The following ARHGEF11 variants were observed in gnomAD, a reference collection of about 807,000 sequenced individuals.
The protein encoded by ARHGEF11 is Rho guanine exchange factor (GEF) 11.
Under a neutral mutation model 193.7 loss-of-function variants are expected in ARHGEF11, and 55 were observed. The ratio of observed to expected loss-of-function variants is 0.28; its 90% CI spans 0.23 to 0.36. The LOEUF is 0.36. Ranked by LOEUF, ARHGEF11 falls within the 10% of genes least tolerant of loss-of-function variation. The pLI is 1.00. For missense variants in ARHGEF11, 1,723 were observed against 2,005.6 expected (o/e 0.86, Z 2.69); for synonymous variants, 693 against 768.0 (o/e 0.90, Z 1.62).
chr1:156,935,939 C>G lies in ARHGEF11; in HGVS notation c.*61G>C. 6.4e-7 allele frequency: 1 copy of G among 1,550,662 alleles called. No homozygotes were observed. Among genetic ancestry groups the G allele is most frequent in the Non-Finnish European group, 8.8e-7 (1 of 1,137,654 alleles). On this transcript the variant is annotated 3_prime_UTR_variant, in exon 41 of 41. Transcript: ENST00000368194. ...TTGGGATCCCCCCTACCCTGTGCCC[C>G]GGTCTCAGGCCAGTCCCTGAAGGAG... is the stretch of plus-strand genomic sequence containing the variant.
intron 1 of ARHGEF11, among the ~76,000 whole-genome samples, chr1:157,017,909 C>T (rs986961512): frequency 1.3e-5 from 2 of 151,836 alleles, no homozygotes; most frequent in Non-Finnish European, 2.9e-5. Context: ...TATTTCCAGA[C>T]AACATGACTT....
chr1:157,039,909 A>C (rs1361256303), intron 1 of ARHGEF11, among the ~76,000 whole-genome samples: 1 of 152,178 alleles, frequency 6.6e-6, no homozygotes, highest in African/African-American at 2.4e-5. Flanking sequence ...ACTCCATTCC[A>C]CAGAGGCTGT....
chr1:156,991,779 G>C (rs1251477650), intron 1 of ARHGEF11, among the ~76,000 whole-genome samples: 1 of 137,382 alleles, frequency 7.3e-6, no homozygotes, highest in African/African-American at 2.8e-5. Context: ...TGCAGTGGCG[G>C]GATCTCGGCT....
chr1:157,043,808 T>A (rs1673042759), intron 1 of ARHGEF11, among the ~76,000 whole-genome samples: 1 of 152,140 alleles, frequency 6.6e-6, no homozygotes, highest in Non-Finnish European at 1.5e-5. Flanking sequence ...GCCAAGAACA[T>A]CCTCTTCATT....
chr1:157,038,029 CAAAAAAAAAA>C (rs145416871), intron 1 of ARHGEF11, among the ~76,000 whole-genome samples: 17 of 45,516 alleles, frequency 3.7e-4, no homozygotes, highest in African/African-American at 1.5e-3. Flanking sequence ...AAGACTGTCT[CAAAAAAAAAA>C]AAAAAAAAAA....
chr1:156,991,710 A>ATTTTTTTT lies in ARHGEF11; in HGVS notation c.33-5545_33-5538dup, dbSNP rs57140356. ...TTAGGGTTTTCTTTTTTTCAAGCTT[A>ATTTTTTTT]TTTTTTTTTTTTTTTTTTTTTTTTG... On this transcript the variant is annotated intron_variant, in intron 1 of 40. Transcript: ENST00000368194. Among the ~76,000 whole-genome samples, 57 of 83,956 alleles carry ATTTTTTTT rather than the reference A, an allele frequency of 6.8e-4. 1 individual carries two copies. Among genetic ancestry groups the ATTTTTTTT allele is most frequent in the Non-Finnish European group, 8.6e-4 (37 of 42,868 alleles). The allele number at this position is 83,956 out of a possible 152,430, so 55.1% of individuals were successfully genotyped here.
intron 1 of ARHGEF11, among the ~76,000 whole-genome samples, chr1:157,010,892 T>C (rs969222302): frequency 6.6e-6 from 1 of 152,164 alleles, no homozygotes; most frequent in African/African-American, 2.4e-5. Flanking sequence ...AAGACATCCA[T>C]GTTTACAGAG....
In ARHGEF11 at chr1:156,940,185, G is replaced by A. The variant is rs745601196; in HGVS notation, c.3733+22C>T. On this transcript the variant is annotated intron_variant, in intron 36 of 40. Coordinates refer to ENST00000368194, the MANE Select transcript of ARHGEF11 (RefSeq NM_198236.3). ...GTGCGACTGGGGACCAGGGGCTGACGGCAGGGCCTTGAAGCACTCACCATC... is the reference window on the plus strand; with the variant it reads ...GTGCGACTGGGGACCAGGGGCTGACAGCAGGGCCTTGAAGCACTCACCATC... The A allele has an allele frequency of 3.0e-5, 46 of 1,548,676 alleles. No individual in the cohort carries two copies. The South Asian group carries it at 4.0e-4, about 14-fold the overall frequency.
intron 21 of ARHGEF11, among the ~76,000 whole-genome samples, chr1:156,953,105 A>G (rs915552406): frequency 1.3e-5 from 2 of 152,082 alleles, no homozygotes; most frequent in African/African-American, 4.8e-5. Flanking sequence ...TGAATGACCC[A>G]GAGTAACAGG....
At chr1:156,941,464 C>T in intron 34 of ARHGEF11, 31 bp from the exon 35 acceptor site, 1 of 1,608,920 alleles carries the variant, frequency 6.2e-7, no homozygotes, top group Non-Finnish European at 8.5e-7. Context: ...AGGATGAGAT[C>T]CCATGAGATT....
chr1:157,007,915 T>TG lies in ARHGEF11; in HGVS notation c.33-21743_33-21742insC, dbSNP rs1668033500. ...AAGGCAAAGGTTTTTTTTTTTTTGT[T>TG]TTTTTTTTTTTTGTCTCTTTTGTTC... On this transcript the variant is annotated intron_variant, in intron 1 of 40. Coordinates refer to ENST00000368194, the MANE Select transcript of ARHGEF11 (RefSeq NM_198236.3). Among the ~76,000 whole-genome samples the TG allele has an allele frequency of 3.0e-4, 10 of 33,846 alleles. 1 individual carries two copies. Among genetic ancestry groups the TG allele is most frequent in the African/African-American group, 5.8e-4 (9 of 15,422 alleles). 22.2% of individuals were successfully genotyped at this position (33,846 alleles called of 152,430 possible).
rs139907420 is a variant in ARHGEF11, at chr1:157,036,835, T to C, written c.32+7464A>G. 4.8e-3 allele frequency among the ~76,000 whole-genome samples: 723 copies of C among 152,098 alleles called. 4 individuals carry two copies. Among genetic ancestry groups the C allele is most frequent in the South Asian group, 0.017 (84 of 4,808 alleles). On this transcript the variant is annotated intron_variant, in intron 1 of 40. Coordinates refer to ENST00000368194, the MANE Select transcript of ARHGEF11 (RefSeq NM_198236.3). Reference sequence around the variant, plus strand: ...AGTCTCATAAATTTGGGAATAAAATTTGATTCAGGGCAGTGCACGGTGGCT... The same window carrying C: ...AGTCTCATAAATTTGGGAATAAAATCTGATTCAGGGCAGTGCACGGTGGCT...
At position 156,939,888 on chromosome 1, in the gene ARHGEF11, G is replaced by T. The variant is rs780675400; in HGVS notation, c.3756C>A (p.Ile1252=). 1.2e-6 allele frequency: 2 copies of T among 1,607,222 alleles called. No homozygotes were observed. The highest frequency in any genetic ancestry group is 1.1e-5 in the South Asian group (1 of 91,050). ...TGTGACCTGGCAGCAGGCTCCACAG[G>T]ATCAGATGTCGCAGGTTCTCCACTG... ...LEDVENLRHL[I]LWSLLPGHTM... Residue 1252 remains isoleucine (I), a synonymous_variant, in exon 37 of 41, where the codon ATC becomes ATA. Coordinates refer to ENST00000368194, the MANE Select transcript of ARHGEF11 (RefSeq NM_198236.3).
chr1:156,942,118 C>T, intron 33 of ARHGEF11, 129 bp from the exon 34 acceptor site: 1 of 1,298,872 alleles, frequency 7.7e-7, no homozygotes, highest in South Asian at 1.3e-5. Flanking sequence ...TGCCCACCTC[C>T]CTGTACAGTC....
intron 4 of ARHGEF11, among the ~76,000 whole-genome samples, chr1:156,979,565 T>C (rs1351654546): frequency 1.3e-5 from 2 of 152,034 alleles, no homozygotes; most frequent in Non-Finnish European, 2.9e-5. Flanking sequence ...GGGGTTTCAC[T>C]GTGTTAGCCA....
chr1:157,022,415 T>C (rs1285129792), intron 1 of ARHGEF11, among the ~76,000 whole-genome samples: 2 of 152,146 alleles, frequency 1.3e-5, no homozygotes, highest in African/African-American at 4.8e-5. Context: ...AAAATAACAA[T>C]TCCATTCACA....
intron 21 of ARHGEF11, among the ~76,000 whole-genome samples, chr1:156,954,320 T>G (rs1377697161): frequency 2.3e-5 from 3 of 130,930 alleles, no homozygotes; most frequent in African/African-American, 8.8e-5. Flanking sequence ...GCGGAGTTTG[T>G]AGTGAGGCAA....
upstream of ARHGEF11, among the ~76,000 whole-genome samples, chr1:157,045,939 C>T (rs964332857): frequency 2.0e-5 from 3 of 150,956 alleles, no homozygotes; most frequent in Non-Finnish European, 4.4e-5. Context: ...CGGCCTTTCC[C>T]CTCACGCCGC....
At position 156,937,319 on chromosome 1, in the gene ARHGEF11, A is replaced by G; in HGVS notation, c.4370T>C (p.Leu1457Pro). ...GATCATGCCCACGTCCCTGAGGGCC[A>G]GGCTTGGAGGAGAGCGGCTGGGGCG... ...PRRPSRSPPS[L>P]ALRDVGMIFH... is the part of the protein sequence containing the mutation. Residue 1457 changes from leucine to proline, a missense_variant, in exon 39 of 41, where the codon CTG becomes CCG. Coordinates refer to ENST00000368194, the MANE Select transcript of ARHGEF11 (RefSeq NM_198236.3). 6.2e-7 allele frequency: 1 copy of G among 1,613,942 alleles called. No individual in the cohort carries two copies. The highest frequency in any genetic ancestry group is 8.5e-7 in the Non-Finnish European group (1 of 1,179,930).
Sources: allele counts gnomAD v4.1 joint callset (sites outside exome capture counted in the v4.1 genomes callset), GRCh38; gene constraint gnomAD v4.1.1; transcripts MANE v1.5; gene names NCBI Gene and HGNC (gene_info 2026-07-23, HGNC 2026-07-21).